The following PCCA variants were observed in gnomAD, a reference collection of about 807,000 sequenced individuals.
The protein encoded by PCCA is propionyl-CoA carboxylase subunit alpha.
Under a neutral mutation model 101.3 loss-of-function variants are expected in PCCA, and 74 were observed. The ratio of observed to expected loss-of-function variants is 0.73; its 90% CI spans 0.61 to 0.89. The LOEUF is 0.89. Ranked by LOEUF, PCCA falls within the 40% of genes least tolerant of loss-of-function variation. The pLI, the probability that PCCA is intolerant of heterozygous loss-of-function variation, is 0.00. For missense variants in PCCA, 891 were observed against 907.0 expected, an observed-to-expected ratio of 0.98 and a Z score of 0.23; for synonymous variants, 294 against 313.6, an observed-to-expected ratio of 0.94 and a Z score of 0.66.
chr13:100,399,363 GTAT>G (rs563043588), intron 19 of PCCA, among the ~76,000 whole-genome samples: 235 of 152,246 alleles, frequency 1.5e-3, no homozygotes, highest in African/African-American at 5.4e-3. Flanking sequence ...CTTAAAAAAA[GTAT>G]TATTATTGTT....
chr13:100,216,342 A>G (rs575542738), intron 7 of PCCA, among the ~76,000 whole-genome samples: 2 of 152,358 alleles, frequency 1.3e-5, no homozygotes, highest in South Asian at 4.1e-4. Flanking sequence ...AATCATCGAG[A>G]GAGACAATTT....
intron 8 of PCCA, chr13:100,237,499 T>A (rs2060873771): frequency 6.6e-6 from 1 of 152,234 alleles, no homozygotes; most frequent in African/African-American, 2.4e-5. Context: ...TATATAGAAC[T>A]GATTCTGTGG....
intron 20 of PCCA, among the ~76,000 whole-genome samples, chr13:100,438,818 C>T (rs1355935576): frequency 6.6e-6 from 1 of 152,046 alleles, no homozygotes; most frequent in East Asian, 1.9e-4. Flanking sequence ...GGCTGCTTTG[C>T]ATTTATGGCC....
intron 22 of PCCA, chr13:100,527,208 C>T (rs1206902004): frequency 1.3e-5 from 6 of 453,454 alleles, no homozygotes; most frequent in African/African-American, 6.1e-5. Context: ...GTGTAGTTGT[C>T]ACCACAATCA....
intron 12 of PCCA, among the ~76,000 whole-genome samples, chr13:100,276,567 C>A (rs541620898): frequency 6.6e-6 from 1 of 152,074 alleles, no homozygotes; most frequent in Admixed American, 6.5e-5. Flanking sequence ...TCATTTTAGA[C>A]CTCCTTAATA....
intron 6 of PCCA, among the ~76,000 whole-genome samples, chr13:100,183,861 G>A (rs945165851): frequency 3.3e-5 from 5 of 152,158 alleles, no homozygotes; most frequent in African/African-American, 1.2e-4. Context: ...TGCTTCAGGG[G>A]AGCATTCTGT....
chr13:100,094,084 C>T (rs1020470413), intron 1 of PCCA, among the ~76,000 whole-genome samples: 2 of 151,328 alleles, frequency 1.3e-5, no homozygotes, highest in South Asian at 2.1e-4. Flanking sequence ...CAAAATTAGC[C>T]GGGCATGGTG....
intron 12 of PCCA, among the ~76,000 whole-genome samples, chr13:100,285,857 C>T (rs993240898): frequency 5.9e-5 from 9 of 152,098 alleles, no homozygotes; most frequent in African/African-American, 1.4e-4. Flanking sequence ...GAATGGGATA[C>T]GAAGGGCAGG....
chr13:100,117,338 C>T (rs527950018), intron 4 of PCCA, among the ~76,000 whole-genome samples: 3 of 151,748 alleles, frequency 2.0e-5, no homozygotes, highest in East Asian at 1.9e-4. Flanking sequence ...ACCAGTATAA[C>T]GGTATCTGTA....
chr13:100,205,366 T>G (rs556385515), intron 6 of PCCA, among the ~76,000 whole-genome samples: 13 of 152,178 alleles, frequency 8.5e-5, no homozygotes, highest in Non-Finnish European at 1.5e-4. Flanking sequence ...TAATGTTGCT[T>G]TCTCATTTTG....
At chr13:100,406,556 T>C (rs959101384) in intron 19 of PCCA, among the ~76,000 whole-genome samples, 2 of 152,022 alleles carry the variant, frequency 1.3e-5, no homozygotes, top group Non-Finnish European at 2.9e-5. Context: ...AATACAAAAT[T>C]AGCTGGGTGT....
chr13:100,528,578 T>TCAGAGTC (rs754675465), intron 23 of PCCA, among the ~76,000 whole-genome samples: 6 of 152,180 alleles, frequency 3.9e-5, no homozygotes, highest in Non-Finnish European at 7.4e-5. Context: ...AAATGGATTC[T>TCAGAGTC]CAGAGAAGGG....
At chr13:100,524,832 G>C (rs752689497) in intron 22 of PCCA, among the ~76,000 whole-genome samples, 1 of 152,062 alleles carries the variant, frequency 6.6e-6, no homozygotes, top group Non-Finnish European at 1.5e-5. Flanking sequence ...AGATTGTGCC[G>C]CTGCACTCCA....
chr13:100,122,820 A>C (rs555812026), intron 4 of PCCA, among the ~76,000 whole-genome samples: 1 of 152,246 alleles, frequency 6.6e-6, no homozygotes, highest in South Asian at 2.1e-4. Context: ...AGGCACTGTT[A>C]GATGTTGTCC....
intron 18 of PCCA, among the ~76,000 whole-genome samples, chr13:100,359,947 A>G (rs1394015069): frequency 6.6e-6 from 1 of 152,200 alleles, no homozygotes; most frequent in Non-Finnish European, 1.5e-5. Context: ...AAATTGGCAC[A>G]TTGATTTTGA....
intron 20 of PCCA, among the ~76,000 whole-genome samples, chr13:100,443,194 T>G (rs750810894): frequency 6.6e-6 from 1 of 152,072 alleles, no homozygotes; most frequent in Admixed American, 6.6e-5. Context: ...GGCTCACAAC[T>G]TGAGTGGTTA....
At chr13:100,310,392 TA>T (rs1024276270) in intron 16 of PCCA, among the ~76,000 whole-genome samples, 1 of 152,260 alleles carries the variant, frequency 6.6e-6, no homozygotes, top group African/African-American at 2.4e-5. Context: ...TCTGCATTTT[TA>T]TTGTGGTAAT....
intron 2 of PCCA, among the ~76,000 whole-genome samples, chr13:100,105,673 A>C (rs2047695284): frequency 4.0e-5 from 6 of 149,502 alleles, no homozygotes; most frequent in Admixed American, 4.0e-4. Flanking sequence ...AAAAAAAAAA[A>C]AAAAAACACC....
At chr13:100,216,209 G>C (rs906944124) in intron 7 of PCCA, among the ~76,000 whole-genome samples, 1 of 151,970 alleles carries the variant, frequency 6.6e-6, no homozygotes, top group African/African-American at 2.4e-5. Context: ...GGCAGGACAA[G>C]TCATGTTGCT....
Sources: gnomAD v4.1 joint callset for allele counts (sites outside exome capture counted in the v4.1 genomes callset) on GRCh38, gnomAD v4.1.1 for gene constraint, MANE v1.5 for transcripts, NCBI Gene and HGNC (gene_info 2026-07-23, HGNC 2026-07-21) for gene names.